Variants in PCSK5 observed in about 807,000 individuals in gnomAD.
The protein encoded by PCSK5 is prohormone convertase 5.
In PCSK5, 129 loss-of-function variants were observed where a neutral mutation model predicts 233.2. The observed-to-expected ratio is 0.55, with a 90% CI of 0.48 to 0.64. PCSK5 has a LOEUF of 0.64. Ranked by LOEUF, PCSK5 falls within the 30% of genes least tolerant of loss-of-function variation. The pLI is 0.00. For synonymous variants in PCSK5, 825 were observed against 879.2 expected (o/e 0.94, Z 1.09); for missense variants, 2,076 against 2,430.1 (o/e 0.85, Z 3.06).
intron 7 of PCSK5, among the ~76,000 whole-genome samples, chr9:76,072,706 C>T (rs535037549): frequency 2.0e-5 from 3 of 152,250 alleles, no homozygotes; most frequent in South Asian, 2.1e-4. Flanking sequence ...ATAATGTAGA[C>T]GTGCTCCACT....
chr9:76,344,374 C>T (rs548387583), intron 35 of PCSK5, among the ~76,000 whole-genome samples: 5 of 152,270 alleles, frequency 3.3e-5, no homozygotes, highest in Non-Finnish European at 7.3e-5. Context: ...CCTAAAGCAA[C>T]TCCATAAAAA....
At chr9:76,017,908 C>T (rs149434215) in intron 3 of PCSK5, among the ~76,000 whole-genome samples, 23 of 150,886 alleles carry the variant, frequency 1.5e-4, no homozygotes, top group African/African-American at 5.4e-4. Flanking sequence ...CTTCGTATAC[C>T]TCAAAAAGAA....
intron 10 of PCSK5, among the ~76,000 whole-genome samples, chr9:76,154,230 C>G (rs1490863787): frequency 6.6e-6 from 1 of 152,184 alleles, no homozygotes; most frequent in Admixed American, 6.5e-5. Flanking sequence ...TAGTCAGCCT[C>G]TCTTCCGAGC....
At chr9:75,977,879 G>T (rs766028405) in intron 2 of PCSK5, among the ~76,000 whole-genome samples, 1 of 151,884 alleles carries the variant, frequency 6.6e-6, no homozygotes, top group Non-Finnish European at 1.5e-5. Context: ...CCAAAGTGCC[G>T]GGATTACAAG....
intron 16 of PCSK5, among the ~76,000 whole-genome samples, chr9:76,183,363 CA>C (rs1164895202): frequency 1.3e-5 from 2 of 152,080 alleles, no homozygotes; most frequent in Admixed American, 6.6e-5. Flanking sequence ...CTAATGAGTC[CA>C]TTTATGTACA....
At position 76,040,395 on chromosome 9, in the gene PCSK5, C is replaced by CTCTGTCTCTTTGTCTCTCTG. The variant is rs774103438; in HGVS notation, c.632+13361_632+13362insGTCTCTTTGTCTCTCTGTCT. 9.8e-5 allele frequency among the ~76,000 whole-genome samples: 11 copies of CTCTGTCTCTTTGTCTCTCTG among 112,026 alleles called. No individual in the cohort carries two copies. In the Admixed American group the frequency reaches 1.0e-3, roughly 10 times the overall value. The allele number at this position is 112,026 out of a possible 152,430, so 73.5% of individuals were successfully genotyped here. On this transcript the variant is annotated intron_variant, in intron 5 of 37. Transcript: ENST00000674117. ...TCTCTCTCTCTCTCTGTCTCTCTCT[C>CTCTGTCTCTTTGTCTCTCTG]TCTCTCTCTCTCTCTCTCAACAGGT...
chr9:76,350,415 T>C (rs1475041750), intron 35 of PCSK5, among the ~76,000 whole-genome samples: 1 of 152,224 alleles, frequency 6.6e-6, no homozygotes, highest in African/African-American at 2.4e-5. Context: ...GTGCCAAGTT[T>C]AGTGCCGTTT....
intron 5 of PCSK5, among the ~76,000 whole-genome samples, chr9:76,064,623 T>C (rs1830204808): frequency 6.8e-6 from 1 of 147,514 alleles, no homozygotes; most frequent in Non-Finnish European, 1.5e-5. Context: ...ACGGGGCAGC[T>C]GCCAGGCGGA....
chr9:75,911,216 T>TG, intron 1 of PCSK5, among the ~76,000 whole-genome samples: 2 of 142,932 alleles, frequency 1.4e-5, no homozygotes, highest in South Asian at 2.4e-4. Flanking sequence ...TTTTTTTTTT[T>TG]TTTTTTTTTT....
chr9:76,308,027 T>C (rs776106772), intron 28 of PCSK5, among the ~76,000 whole-genome samples: 4 of 151,686 alleles, frequency 2.6e-5, no homozygotes, highest in Non-Finnish European at 5.9e-5. Flanking sequence ...CAAAACCCCG[T>C]CTCTACTAAA....
Position 75,903,587 on chromosome 9 carries a change from TA to T in PCSK5, c.192+12218del, listed in dbSNP as rs557750644. ...ATGTGTGTGTGTGTATATATATATA[TA>T]AAATATATATTATATATATATATTA... On this transcript the variant is annotated intron_variant, in intron 1 of 37. Coordinates refer to ENST00000674117, the MANE Select transcript of PCSK5 (RefSeq NM_001372043.1). 1.0e-3 allele frequency among the ~76,000 whole-genome samples: 144 copies of T among 140,874 alleles called. 1 individual carries two copies. In the East Asian group the frequency reaches 0.025, roughly 25 times the overall value. The allele number at this position is 140,874 out of a possible 152,430, so 92.4% of individuals were successfully genotyped here.
intron 7 of PCSK5, among the ~76,000 whole-genome samples, chr9:76,085,099 A>G (rs966248898): frequency 2.0e-5 from 3 of 152,232 alleles, no homozygotes; most frequent in East Asian, 1.9e-4. Context: ...ACTTTCTGCC[A>G]TCGTGCTCTG....
At chr9:76,104,708 G>A (rs972607695) in intron 8 of PCSK5, among the ~76,000 whole-genome samples, 3 of 152,188 alleles carry the variant, frequency 2.0e-5, no homozygotes, top group Non-Finnish European at 2.9e-5. Context: ...ATTTGTTTCT[G>A]TGCATTGAAA....
In PCSK5 at chr9:76,360,219, A is replaced by G. The variant is rs1234244905; in HGVS notation, c.*1297A>G. 2.6e-5 allele frequency: 4 copies of G among 152,220 alleles called. No homozygotes were observed. Among genetic ancestry groups the G allele is most frequent in the Non-Finnish European group, 5.9e-5 (4 of 68,060 alleles). 9.4% of individuals were successfully genotyped at this position (152,220 alleles called of 1,614,324 possible). On this transcript the variant is annotated 3_prime_UTR_variant, in exon 38 of 38. Transcript: ENST00000674117. ...TGATGATAATTATAATCTATTGCAC[A>G]CCTACTACCAGATAACAAGCTAAGT...
At chr9:76,159,297 A>G (rs1822744084) in intron 12 of PCSK5, 126 bp downstream of exon 12, 2 of 748,882 alleles carry the variant, frequency 2.7e-6, no homozygotes, top group Non-Finnish European at 4.3e-6. Flanking sequence ...CTTAGATGTC[A>G]GGATCTCACT....
At chr9:76,326,771 C>T (rs773392728) in intron 32 of PCSK5, among the ~76,000 whole-genome samples, 2 of 152,134 alleles carry the variant, frequency 1.3e-5, no homozygotes, top group Non-Finnish European at 2.9e-5. Context: ...CCTCATGGAG[C>T]TCACATTCTG....
chr9:76,358,737 A>G lies in PCSK5; in HGVS notation c.5479A>G (p.Thr1827Ala). ...CTATAAGAGCAGCTATAGAGAGAGC[A>G]CCAGCTTTGAAGAGGATCAGGTGAT... Reference protein sequence around the residue: ...SSYKSSYRESTSFEEDQVIEY... With the variant: ...SSYKSSYRESASFEEDQVIEY... The change falls in exon 38 of 38, where the codon ACC becomes GCC. Residue 1827 changes from threonine to alanine, a missense_variant. This residue lies in a region of PCSK5 where 1,510 missense variants were observed against 1,538.1 expected (regional missense o/e 0.98). Coordinates refer to ENST00000674117, the MANE Select transcript of PCSK5 (RefSeq NM_001372043.1). 1 of 1,612,918 alleles carries G rather than the reference A, an allele frequency of 6.2e-7. No individual in the cohort carries two copies. Among genetic ancestry groups the G allele is most frequent in the Non-Finnish European group, 8.5e-7 (1 of 1,179,886 alleles).
At chr9:76,079,098 T>A (rs1830741140) in intron 7 of PCSK5, among the ~76,000 whole-genome samples, 1 of 151,758 alleles carries the variant, frequency 6.6e-6, no homozygotes, top group Admixed American at 6.6e-5. Flanking sequence ...TGTGGATGGA[T>A]TGCATTTTTT....
intron 27 of PCSK5, 61 bp downstream of exon 27, chr9:76,296,926 C>G: frequency 2.8e-6 from 3 of 1,084,044 alleles, no homozygotes; most frequent in South Asian, 1.3e-5. Flanking sequence ...TTCCCTCCTT[C>G]TATAACTCTG....
Sources: allele counts gnomAD v4.1 joint callset (sites outside exome capture counted in the v4.1 genomes callset), GRCh38; gene constraint gnomAD v4.1.1; regional missense constraint gnomAD v4.1.1; transcripts MANE v1.5; gene names NCBI Gene and HGNC (gene_info 2026-07-23, HGNC 2026-07-21).